The following C16orf74 variants were observed in gnomAD, a reference collection of about 807,000 sequenced individuals.
The protein encoded by C16orf74 is uncharacterized protein C16orf74.
C16orf74 carries 10 observed loss-of-function variants against 6.5 expected under a neutral mutation model. That is an observed-to-expected ratio of 1.54 (90% CI 0.95 to 2.61). C16orf74 has a LOEUF of 2.61. C16orf74 is among the 30% of genes most tolerant of loss of function. The pLI is 0.00. For synonymous variants in C16orf74, 60 were observed against 42.5 expected (o/e 1.41, Z -1.60); for missense variants, 141 against 105.9 (o/e 1.33, Z -1.45).
chr16:85,733,544 A>G (rs1047367081), intron 2 of C16orf74, among the ~76,000 whole-genome samples: 2 of 152,164 alleles, frequency 1.3e-5, no homozygotes, highest in Non-Finnish European at 2.9e-5. Context: ...TAAAACGGTA[A>G]GTTTATGTGA....
At chr16:85,728,161 A>C (rs1313690050) in intron 2 of C16orf74, among the ~76,000 whole-genome samples, 2 of 152,118 alleles carry the variant, frequency 1.3e-5, no homozygotes, top group Non-Finnish European at 2.9e-5. Flanking sequence ...TAAATAAATA[A>C]GCACAGAAAT....
Position 85,708,130 on chromosome 16 carries a change from C to T in C16orf74, c.173-64G>A, listed in dbSNP as rs75034934. ...CCCCCACCACACCAAGCCCCGTTTC[C>T]CTGGGAACTGCAGGGCTGGGGCCTC... On this transcript the variant is annotated intron_variant, in intron 3 of 3. Coordinates refer to ENST00000284245, the MANE Select transcript of C16orf74 (RefSeq NM_206967.3). 1.7e-3 allele frequency: 2,312 copies of T among 1,383,684 alleles called. 30 individuals are homozygous for T. In the African/African-American group the frequency reaches 0.03, roughly 18 times the overall value. 85.7% of individuals were successfully genotyped at this position (1,383,684 alleles called of 1,614,324 possible). A position where few individuals can be genotyped will look rare whatever the true frequency, so the allele number is the denominator to read the frequency against.
At chr16:85,738,855 C>T (rs1189456847) in intron 1 of C16orf74, among the ~76,000 whole-genome samples, 2 of 152,140 alleles carry the variant, frequency 1.3e-5, no homozygotes, top group Non-Finnish European at 2.9e-5. Context: ...TCACTATAAC[C>T]CCATGAAGTT....
chr16:85,724,683 A>G (rs2054115776), intron 2 of C16orf74, among the ~76,000 whole-genome samples: 1 of 152,054 alleles, frequency 6.6e-6, no homozygotes, highest in South Asian at 2.1e-4. Flanking sequence ...TGACGAGGAT[A>G]ATGGGGATGA....
rs781653770 is a variant in C16orf74, at chr16:85,710,166, G to A, written c.170C>T (p.Thr57Ile). Residue 57 changes from threonine (T) to isoleucine (I), a missense_variant and splice_region_variant, in exon 3 of 4, where the codon ACA becomes ATA. Coordinates refer to ENST00000284245, the MANE Select transcript of C16orf74 (RefSeq NM_206967.3). The part of the protein sequence containing the change: ...GMMLPRDLGS[T>I]VWLDETGSCP... ...GGCGGTGGAGGGGACGGCCTCACCT[G>A]TGCTCCCCAAGTCCCTCGGCAGCAT... is the stretch of plus-strand genomic sequence containing the variant. 5.5e-6 allele frequency: 8 copies of A among 1,445,448 alleles called. No individual in the cohort carries two copies. The highest frequency in any genetic ancestry group is 6.3e-6 in the Non-Finnish European group (7 of 1,106,056). 89.5% of individuals were successfully genotyped at this position (1,445,448 alleles called of 1,614,324 possible).
At chr16:85,739,152 G>C (rs1451726311) in intron 1 of C16orf74, among the ~76,000 whole-genome samples, 1 of 71,292 alleles carries the variant, frequency 1.4e-5, no homozygotes. Flanking sequence ...CTGCAGCCCT[G>C]ACGTCAGGAT....
intron 2 of C16orf74, among the ~76,000 whole-genome samples, chr16:85,715,755 G>A (rs1345466809): frequency 2.6e-5 from 4 of 152,190 alleles, no homozygotes; most frequent in South Asian, 2.1e-4. Flanking sequence ...GACTGGCTGC[G>A]GAGGGGAGCT....
intron 2 of C16orf74, among the ~76,000 whole-genome samples, chr16:85,714,014 T>C (rs1217478335): frequency 6.6e-6 from 1 of 152,084 alleles, no homozygotes; most frequent in Non-Finnish European, 1.5e-5. Context: ...TGAACAAACA[T>C]GAGGGTGGTT....
chr16:85,721,153 C>T (rs766877526), intron 2 of C16orf74, among the ~76,000 whole-genome samples: 1 of 152,144 alleles, frequency 6.6e-6, no homozygotes. Context: ...CCAGCAGTGT[C>T]CCCTCCTCCA....
At chr16:85,735,283 G>C in intron 1 of C16orf74, 48 bp from the exon 2 acceptor site, 1 of 1,434,674 alleles carries the variant, frequency 7.0e-7, no homozygotes, top group South Asian at 1.3e-5. Flanking sequence ...CGACTTGTTT[G>C]TATTGGCCAC....
intron 1 of C16orf74, among the ~76,000 whole-genome samples, chr16:85,744,691 A>G (rs372833540): frequency 7.9e-5 from 12 of 152,060 alleles, no homozygotes; most frequent in East Asian, 5.8e-4. Context: ...TTAGTCAGGC[A>G]TGGTGGCAGG....
chr16:85,712,742 T>C (rs1424981390), intron 2 of C16orf74, among the ~76,000 whole-genome samples: 1 of 152,188 alleles, frequency 6.6e-6, no homozygotes, highest in Admixed American at 6.5e-5. Context: ...CTCTGGGCCC[T>C]TTGTGCAGTA....
At chr16:85,732,355 C>T (rs1261676798) in intron 2 of C16orf74, among the ~76,000 whole-genome samples, 1 of 152,144 alleles carries the variant, frequency 6.6e-6, no homozygotes, top group Non-Finnish European at 1.5e-5. Context: ...CTGGCTACTT[C>T]AAATATGGAG....
At position 85,745,139 on chromosome 16, in the gene C16orf74, T is replaced by TAAAA. The variant is rs10554549; in HGVS notation, c.-19+5783_-19+5786dup. ...CTGGGCAACAAGACGAAACTCTGTCTAAAAAAAAAAAAAAAAAAAAAAAAA... is the reference window on the plus strand; with the variant it reads ...CTGGGCAACAAGACGAAACTCTGTCTAAAAAAAAAAAAAAAAAAAAAAAAAAAAA... On this transcript the variant is annotated intron_variant, in intron 1 of 3. Transcript: ENST00000284245. 1.0e-3 allele frequency among the ~76,000 whole-genome samples: 51 copies of TAAAA among 51,004 alleles called. 2 individuals carry two copies. The highest frequency in any genetic ancestry group is 3.9e-3 in the African/African-American group (44 of 11,148). The allele number at this position is 51,004 out of a possible 152,430, so 33.5% of individuals were successfully genotyped here. A position where few individuals can be genotyped will look rare whatever the true frequency, so the allele number is the denominator to read the frequency against.
chr16:85,712,049 T>C (rs113202081), intron 2 of C16orf74, among the ~76,000 whole-genome samples: 1 of 152,334 alleles, frequency 6.6e-6, no homozygotes, highest in East Asian at 1.9e-4. Flanking sequence ...CCTTGCTCTC[T>C]CTTGGAACAC....
chr16:85,738,711 G>C (rs2054271355), intron 1 of C16orf74, among the ~76,000 whole-genome samples: 1 of 151,880 alleles, frequency 6.6e-6, no homozygotes, highest in Non-Finnish European at 1.5e-5. Flanking sequence ...GGAGTGAGGG[G>C]TAGCGGAGGA....
At chr16:85,708,540 C>T (rs1316473370) in intron 3 of C16orf74, among the ~76,000 whole-genome samples, 2 of 152,174 alleles carry the variant, frequency 1.3e-5, no homozygotes, top group Non-Finnish European at 2.9e-5. Context: ...GCTGTGTGTC[C>T]CTGGGCGAGG....
At position 85,740,211 on chromosome 16, in the gene C16orf74, C is replaced by CA. The variant is rs1314457386; in HGVS notation, c.-18-4977dup. The stretch of plus-strand genomic sequence containing the variant: ...GGGCGACAAGAACGAGACTTTGTCT[C>CA]AAAAAAAAAAAAAAAAAAAGAAAAA... On this transcript the variant is annotated intron_variant, in intron 1 of 3. Transcript: ENST00000284245. Among the ~76,000 whole-genome samples, 600 of 60,044 alleles carry CA rather than the reference C, an allele frequency of 1.0e-2. 14 individuals are homozygous for CA. The highest frequency in any genetic ancestry group is 0.045 in the East Asian group (83 of 1,856). 39.4% of individuals were successfully genotyped at this position (60,044 alleles called of 152,430 possible). A position where few individuals can be genotyped will look rare whatever the true frequency, so the allele number is the denominator to read the frequency against.
At chr16:85,710,603 C>T in intron 2 of C16orf74, 2 of 365,790 alleles carry the variant, frequency 5.5e-6, no homozygotes, top group Non-Finnish European at 4.9e-6. Context: ...TGTGGCCCAG[C>T]CAGCTGCAGC....
Sources: allele counts gnomAD v4.1 joint callset (sites outside exome capture counted in the v4.1 genomes callset), GRCh38; gene constraint gnomAD v4.1.1; transcripts MANE v1.5; gene names NCBI Gene and HGNC (gene_info 2026-07-23, HGNC 2026-07-21).